NTM: variants seen among roughly 807,000 people sequenced by gnomAD.
NTM encodes the protein IgLON family member 2.
A neutral mutation model predicts 42.1 loss-of-function variants in NTM; 13 were observed. The observed-to-expected ratio is 0.31, with a 90% CI of 0.20 to 0.49. The LOEUF is 0.49. NTM is among the 20% of genes least tolerant of loss of function. NTM has a pLI of 0.99. For missense variants in NTM, 373 were observed against 452.8 expected, an observed-to-expected ratio of 0.82 and a Z score of 1.60; for synonymous variants, 187 against 179.2, an observed-to-expected ratio of 1.04 and a Z score of -0.35.
At chr11:131,671,254 G>C (rs1027096020) in intron 1 of NTM, among the ~76,000 whole-genome samples, 1 of 152,186 alleles carries the variant, frequency 6.6e-6, no homozygotes, top group Non-Finnish European at 1.5e-5. Flanking sequence ...CCCAGGCAGA[G>C]GCATAATCAG....
At chr11:132,203,986 G>A (rs910811168) in intron 3 of NTM, among the ~76,000 whole-genome samples, 2 of 152,158 alleles carry the variant, frequency 1.3e-5, no homozygotes, top group Admixed American at 6.6e-5. Flanking sequence ...ACTCCTCTGA[G>A]TATCGGTATC....
At chr11:132,242,274 A>T (rs1470673763) in intron 4 of NTM, among the ~76,000 whole-genome samples, 1 of 152,152 alleles carries the variant, frequency 6.6e-6, no homozygotes, top group Admixed American at 6.5e-5. Context: ...CATCTTAACA[A>T]TTAAAGTACA....
chr11:132,319,751 G>C (rs927333273), intron 7 of NTM, among the ~76,000 whole-genome samples: 1 of 152,228 alleles, frequency 6.6e-6, no homozygotes, highest in East Asian at 1.9e-4. Context: ...GTCCCTCTCA[G>C]ACAGCTTTGA....
chr11:132,067,155 C>T (rs890332333), intron 2 of NTM, among the ~76,000 whole-genome samples: 1 of 152,102 alleles, frequency 6.6e-6, no homozygotes, highest in African/African-American at 2.4e-5. Flanking sequence ...AGGGTTTCAC[C>T]ATGTTGCTCA....
At chr11:132,325,335 C>A (rs982569189) in intron 7 of NTM, among the ~76,000 whole-genome samples, 4 of 151,936 alleles carry the variant, frequency 2.6e-5, no homozygotes, top group African/African-American at 7.3e-5. Context: ...AAAAAAACAA[C>A]CCCATCAAAA....
Position 132,311,479 on chromosome 11 carries a change from C to A in NTM, c.782+1247C>A, listed in dbSNP as rs56743456. Among the ~76,000 whole-genome samples the A allele has an allele frequency of 8.8e-3, 1,337 of 152,240 alleles. 15 individuals carry two copies. The highest frequency in any genetic ancestry group is 0.031 in the African/African-American group (1,284 of 41,526). On this transcript the variant is annotated intron_variant, in intron 6 of 8. Coordinates refer to ENST00000683400, the MANE Select transcript of NTM (RefSeq NM_001352005.2). ...CAAACTCATGAAGAAATAGAGCTGG[C>A]TTTCCCCTTCTTCCAAGAAAGAAGA...
At chr11:132,167,523 C>T (rs1160124307) in intron 3 of NTM, among the ~76,000 whole-genome samples, 1 of 152,160 alleles carries the variant, frequency 6.6e-6, no homozygotes. Context: ...TGGGAGTAGC[C>T]AATCTGTCCA....
chr11:131,682,659 C>T (rs1319518199), intron 1 of NTM, among the ~76,000 whole-genome samples: 2 of 152,236 alleles, frequency 1.3e-5, no homozygotes, highest in African/African-American at 4.8e-5. Context: ...GAGAGCGGGT[C>T]CTTCCTTGTT....
chr11:131,847,579 C>T (rs904994130), intron 1 of NTM, among the ~76,000 whole-genome samples: 1 of 152,052 alleles, frequency 6.6e-6, no homozygotes, highest in Non-Finnish European at 1.5e-5. Flanking sequence ...GGAATAGAAA[C>T]CCAGCAATAT....
intron 1 of NTM, among the ~76,000 whole-genome samples, chr11:131,454,728 G>C (rs1224038678): frequency 1.4e-5 from 2 of 142,220 alleles, no homozygotes; most frequent in Non-Finnish European, 3.2e-5. Context: ...GTGGAGAAAG[G>C]GGCTTGACTT....
intron 1 of NTM, among the ~76,000 whole-genome samples, chr11:131,471,867 G>A (rs1952473237): frequency 6.6e-6 from 1 of 152,144 alleles, no homozygotes; most frequent in Non-Finnish European, 1.5e-5. Context: ...GTGTTCTGTG[G>A]AGTCAGTCTG....
intron 2 of NTM, among the ~76,000 whole-genome samples, chr11:131,949,101 T>G (rs180932434): frequency 2.6e-5 from 4 of 152,332 alleles, no homozygotes; most frequent in Non-Finnish European, 5.9e-5. Context: ...TGTGACTGAC[T>G]TATTTCACCT....
At chr11:131,821,024 G>A (rs1209869231) in intron 1 of NTM, among the ~76,000 whole-genome samples, 2 of 132,338 alleles carry the variant, frequency 1.5e-5, no homozygotes, top group African/African-American at 7.2e-5. Context: ...GCCTCCAAAG[G>A]GTTTTTTTTT....
intron 2 of NTM, among the ~76,000 whole-genome samples, chr11:132,138,596 A>ATCTG (rs2068441143): frequency 1.3e-5 from 1 of 74,462 alleles, no homozygotes; most frequent in Non-Finnish European, 3.7e-5. Flanking sequence ...CTATCTATCT[A>ATCTG]TCTATCTATC....
intron 4 of NTM, among the ~76,000 whole-genome samples, chr11:132,241,923 G>A (rs1465696238): frequency 6.6e-6 from 1 of 152,196 alleles, no homozygotes; most frequent in Non-Finnish European, 1.5e-5. Context: ...CCTTTGTTGT[G>A]ATGGTCGCAG....
intron 1 of NTM, among the ~76,000 whole-genome samples, chr11:131,645,806 A>C (rs541527816): frequency 2.5e-4 from 38 of 152,134 alleles, no homozygotes; most frequent in African/African-American, 8.2e-4. Context: ...GTCTGTGGAC[A>C]TGGGGTTATA....
chr11:131,820,894 G>A (rs187335002), intron 1 of NTM, among the ~76,000 whole-genome samples: 42 of 152,154 alleles, frequency 2.8e-4, no homozygotes, highest in Non-Finnish European at 5.0e-4. Context: ...TTACAAACGC[G>A]GCCACTATGA....
chr11:131,736,242 AG>A lies in NTM; in HGVS notation c.83-175321del, dbSNP rs2080419174. Among the ~76,000 whole-genome samples, 3 of 152,244 alleles carry A rather than the reference AG, an allele frequency of 2.0e-5. No homozygotes were observed. The South Asian group carries it at 6.2e-4, about 32-fold the overall frequency. On this transcript the variant is annotated intron_variant, in intron 1 of 8. Transcript: ENST00000683400. The stretch of plus-strand genomic sequence containing the variant: ...CCTTCTACAGCTAGTACTAGAATCC[AG>A]TGTTAGTTCTACGCCATCAAGCTAC...
At chr11:131,707,709 T>C (rs1030822207) in intron 1 of NTM, among the ~76,000 whole-genome samples, 1 of 152,164 alleles carries the variant, frequency 6.6e-6, no homozygotes, top group Non-Finnish European at 1.5e-5. Flanking sequence ...CATTTGCTTT[T>C]GACAAAATTC....
Sources: allele counts gnomAD v4.1 joint callset (sites outside exome capture counted in the v4.1 genomes callset), GRCh38; gene constraint gnomAD v4.1.1; transcripts MANE v1.5; gene names NCBI Gene and HGNC (gene_info 2026-07-23, HGNC 2026-07-21).